Variants in UPP2 observed in about 807,000 individuals in gnomAD.
UPP2 encodes the protein uridine phosphorylase 2.
A neutral mutation model predicts 26.7 loss-of-function variants in UPP2; 23 were observed. The ratio of observed to expected loss-of-function variants is 0.86; its 90% confidence interval spans 0.62 to 1.22. The LOEUF (loss-of-function observed/expected upper bound fraction) is 1.22, where lower values mean the gene tolerates loss of function less well. Ranked by LOEUF, UPP2 falls within the 50% of genes most tolerant of loss-of-function variation. The pLI is 0.00. For synonymous variants in UPP2, 127 were observed against 141.3 expected (o/e 0.90, Z 0.72); for missense variants, 387 against 396.7 (o/e 0.98, Z 0.21).
chr2:158,007,765 C>A (rs750011724), intron 2 of UPP2, among the ~76,000 whole-genome samples: 1 of 151,970 alleles, frequency 6.6e-6, no homozygotes, highest in Non-Finnish European at 1.5e-5. Context: ...GGATTACAGG[C>A]ACGCACCACC....
chr2:158,081,116 A>G (rs1682717019), intron 3 of UPP2, among the ~76,000 whole-genome samples: 1 of 152,208 alleles, frequency 6.6e-6, no homozygotes. Flanking sequence ...GAATGGATAC[A>G]GTCTCATAAA....
At chr2:158,096,966 C>A (rs1196174228), upstream of UPP2, among the ~76,000 whole-genome samples, 1 of 152,054 alleles carries the variant, frequency 6.6e-6, no homozygotes, top group East Asian at 1.9e-4. Flanking sequence ...TTCAACTGTA[C>A]ATGGATTAAT....
At chr2:158,106,737 ATTAT>A (rs1189517700) in intron 2 of UPP2, among the ~76,000 whole-genome samples, 6 of 152,172 alleles carry the variant, frequency 3.9e-5, no homozygotes, top group African/African-American at 1.2e-4. Context: ...GTACTTCTGC[ATTAT>A]TTATTTTATC....
chr2:158,081,650 T>A (rs941416650), intron 3 of UPP2, among the ~76,000 whole-genome samples: 4 of 152,032 alleles, frequency 2.6e-5, no homozygotes, highest in Non-Finnish European at 5.9e-5. Flanking sequence ...AAGAATGAAA[T>A]CCTGTCATTT....
chr2:158,014,937 G>T (rs1161484332), intron 2 of UPP2, among the ~76,000 whole-genome samples: 3 of 152,158 alleles, frequency 2.0e-5, no homozygotes, highest in Non-Finnish European at 4.4e-5. Flanking sequence ...TAGCCATTCT[G>T]ATATGTAGGA....
intron 2 of UPP2, among the ~76,000 whole-genome samples, chr2:158,112,101 G>C (rs566321148): frequency 6.6e-6 from 1 of 152,166 alleles, no homozygotes; most frequent in African/African-American, 2.4e-5. Flanking sequence ...AACTTGACAA[G>C]CTTCTAATAA....
At chr2:158,123,975 G>T (rs923574276) in intron 6 of UPP2, 80 bp downstream of exon 6, 18 of 1,500,676 alleles carry the variant, frequency 1.2e-5, no homozygotes, top group Non-Finnish European at 1.6e-5. Flanking sequence ...AGAAAAAGAG[G>T]TCCAGCTATA....
At chr2:158,085,435 T>C (rs893643923) in intron 3 of UPP2, among the ~76,000 whole-genome samples, 1 of 152,178 alleles carries the variant, frequency 6.6e-6, no homozygotes, top group Non-Finnish European at 1.5e-5. Flanking sequence ...TATACAATCA[T>C]ATCATCAGCA....
At chr2:158,090,813 C>T (rs10171627) in intron 3 of UPP2, among the ~76,000 whole-genome samples, 15,234 of 152,128 alleles carry the variant, frequency 0.1, 1,503 homozygotes, top group African/African-American at 0.25. Context: ...GCTGATGCCA[C>T]TGAGGCCCAG....
intron 3 of UPP2, among the ~76,000 whole-genome samples, chr2:158,054,651 G>A (rs979257963): frequency 6.6e-6 from 1 of 152,214 alleles, no homozygotes; most frequent in East Asian, 1.9e-4. Flanking sequence ...GACTAGTTTT[G>A]CAGCTTTTTC....
rs574521471 is a variant in UPP2, at chr2:158,086,568, G to T, written c.148-15472G>T. On this transcript the variant is annotated intron_variant, in intron 3 of 9. Coordinates refer to the UPP2 transcript ENST00000605860. ...TTTGTTCTTGTTTCTATAGTTCCTT[G>T]AGGTGTGACCTTAGATTGTCTATTT... 3.3e-5 allele frequency among the ~76,000 whole-genome samples: 5 copies of T among 151,946 alleles called. No homozygotes were observed. The South Asian group carries it at 6.2e-4, about 19-fold the overall frequency.
At chr2:158,099,473 T>C (rs1163408956), upstream of UPP2, among the ~76,000 whole-genome samples, 2 of 152,204 alleles carry the variant, frequency 1.3e-5, no homozygotes, top group East Asian at 3.9e-4. Context: ...TTGACACCCC[T>C]ACTCCCATAG....
intron 3 of UPP2, among the ~76,000 whole-genome samples, chr2:158,093,475 T>C (rs1682941846): frequency 6.6e-6 from 1 of 152,090 alleles, no homozygotes; most frequent in African/African-American, 2.4e-5. Context: ...TAAAGGACAA[T>C]ATATATAACC....
At chr2:158,015,845 C>T in exon 3 of UPP2, 1 of 453,138 alleles carries the variant, frequency 2.2e-6, no homozygotes, top group South Asian at 1.6e-5. Flanking sequence ...TGTAAGTGTC[C>T]TGAGGCCTCC....
intron 2 of UPP2, among the ~76,000 whole-genome samples, chr2:158,013,816 A>G (rs1683616549): frequency 6.6e-6 from 1 of 152,210 alleles, no homozygotes; most frequent in Non-Finnish European, 1.5e-5. Context: ...GAAGGAAAGA[A>G]AGCTTTGTGC....
At chr2:157,998,445 T>G (rs531006515) in intron 2 of UPP2, among the ~76,000 whole-genome samples, 4 of 152,336 alleles carry the variant, frequency 2.6e-5, no homozygotes, top group African/African-American at 4.8e-5. Context: ...GTTGCCCACT[T>G]AGATGGGCTC....
intron 6 of UPP2, among the ~76,000 whole-genome samples, chr2:158,133,173 A>G (rs927945611): frequency 3.3e-5 from 5 of 152,246 alleles, no homozygotes; most frequent in African/African-American, 1.2e-4. Context: ...TACACAATGA[A>G]ATACTACTTA....
chr2:158,094,791 A>AG lies in UPP2; in HGVS notation c.148-7248dup, dbSNP rs577640287. Among the ~76,000 whole-genome samples the AG allele has an allele frequency of 1.7e-4, 26 of 152,306 alleles. No homozygotes were observed. The East Asian group carries it at 4.8e-3, about 28-fold the overall frequency. On this transcript the variant is annotated intron_variant, in intron 3 of 9. Coordinates refer to the UPP2 transcript ENST00000605860. Reference sequence around the variant, plus strand: ...GCAGTAATAATCTGTGGTGTGTGTTAGAGGTTAGGACTGAACCTTCCTTGA... The same window carrying AG: ...GCAGTAATAATCTGTGGTGTGTGTTAGGAGGTTAGGACTGAACCTTCCTTGA...
intron 2 of UPP2, among the ~76,000 whole-genome samples, chr2:158,109,345 T>C (rs546790598): frequency 6.6e-6 from 1 of 152,230 alleles, no homozygotes; most frequent in Non-Finnish European, 1.5e-5. Context: ...TACTTGCTAC[T>C]GCAAAATCTC....
Sources: allele counts gnomAD v4.1 joint callset (sites outside exome capture counted in the v4.1 genomes callset), GRCh38; gene constraint gnomAD v4.1.1; transcripts MANE v1.5; gene names NCBI Gene and HGNC (gene_info 2026-07-23, HGNC 2026-07-21).